The following TLN2 variants were observed in gnomAD, a reference collection of about 807,000 sequenced individuals.
TLN2 encodes talin 2.
A neutral mutation model predicts 294.7 loss-of-function variants in TLN2; 118 were observed. That is an observed-to-expected ratio of 0.40 (90% CI 0.34 to 0.47). TLN2 has a LOEUF of 0.47. TLN2 is among the 20% of genes least tolerant of loss of function. TLN2 has a pLI of 0.84. For synonymous variants in TLN2, 1,431 were observed against 1,304.5 expected (o/e 1.10, Z -2.09); for missense variants, 3,083 against 3,282.2 (o/e 0.94, Z 1.48).
chr15:62,477,904 G>T (rs1037165474), intron 1 of TLN2, among the ~76,000 whole-genome samples: 20 of 146,796 alleles, frequency 1.4e-4, no homozygotes, highest in Non-Finnish European at 2.0e-4. Flanking sequence ...GGGGATGGAG[G>T]GGGGGGTGCA....
At chr15:62,425,657 C>T (rs1472746493) in intron 1 of TLN2, among the ~76,000 whole-genome samples, 1 of 152,132 alleles carries the variant, frequency 6.6e-6, no homozygotes, top group African/African-American at 2.4e-5. Context: ...TAATTGTGTT[C>T]TGTTGTATGA....
At chr15:62,552,794 T>A (rs1305370230) in intron 1 of TLN2, among the ~76,000 whole-genome samples, 1 of 152,264 alleles carries the variant, frequency 6.6e-6, no homozygotes, top group South Asian at 2.1e-4. Flanking sequence ...TATTATGTAT[T>A]GATTGGCTAA....
chr15:62,739,235 G>A lies in TLN2; in HGVS notation c.3688-113G>A, dbSNP rs981973871. On this transcript the variant is annotated intron_variant, in intron 30 of 58. Coordinates refer to ENST00000636159, the MANE Select transcript of TLN2 (RefSeq NM_015059.3). ...TCAGATGACTCAGAGCCTTTTAATC[G>A]TGATGACTCAAATGCATCTCTGAAG... is the stretch of plus-strand genomic sequence containing the variant. 76 of 1,212,742 alleles carry A rather than the reference G, an allele frequency of 6.3e-5. No homozygotes were observed. The African/African-American group carries it at 7.9e-4, about 13-fold the overall frequency. 75.1% of individuals were successfully genotyped at this position (1,212,742 alleles called of 1,614,324 possible).
chr15:62,814,662 C>G (rs922211433), intron 52 of TLN2, among the ~76,000 whole-genome samples: 10 of 151,870 alleles, frequency 6.6e-5, no homozygotes, highest in African/African-American at 2.2e-4. Context: ...AAATATAGGC[C>G]GAAAACAAGC....
At chr15:62,515,061 A>G (rs2040118544) in intron 1 of TLN2, among the ~76,000 whole-genome samples, 1 of 152,214 alleles carries the variant, frequency 6.6e-6, no homozygotes. Context: ...TTCTCTGTCA[A>G]ATGAAGCTGC....
rs185704832 is a variant in TLN2, at chr15:62,819,170, T to C, written c.6772-346T>C. 1.1e-3 allele frequency among the ~76,000 whole-genome samples: 173 copies of C among 152,292 alleles called. 1 individual carries two copies. The highest frequency in any genetic ancestry group is 4.3e-3 in the South Asian group (21 of 4,828). Reference sequence around the variant, plus strand: ...CCACTGTACCCAGCCAGAATGTTCTTACAGTTTGGTTAAATTTCAGGTGCA... The same window carrying C: ...CCACTGTACCCAGCCAGAATGTTCTCACAGTTTGGTTAAATTTCAGGTGCA... On this transcript the variant is annotated intron_variant, in intron 52 of 58. Coordinates refer to ENST00000636159, the MANE Select transcript of TLN2 (RefSeq NM_015059.3).
rs117775779 is a variant in TLN2 at position 62,433,282 on chromosome 15, G to A, written c.-238+42597G>A. On this transcript the variant is annotated intron_variant, in intron 1 of 58. Transcript: ENST00000636159. ...CTGACACAGAAGCCTGAGGGTTTTT[G>A]CCTTGTAACTTCTTGTTGTATCTGA... is the stretch of plus-strand genomic sequence containing the variant. Among the ~76,000 whole-genome samples, 1,035 of 152,180 alleles carry A rather than the reference G, an allele frequency of 6.8e-3. 9 individuals are homozygous for A. Among genetic ancestry groups the A allele is most frequent in the Middle Eastern group, 0.031 (9 of 294 alleles).
At position 62,752,441 on chromosome 15, in the gene TLN2, C is replaced by T; in HGVS notation, c.4332+14C>T. 1.2e-6 allele frequency: 2 copies of T among 1,613,608 alleles called. No individual in the cohort carries two copies. Among genetic ancestry groups the T allele is most frequent in the Non-Finnish European group, 1.7e-6 (2 of 1,179,760 alleles). ...GCTGCAGCCCAGGTAAGGGGCTAGT[C>T]CCGATGCAGCCATGTGCCCTGTGCC... On this transcript the variant is annotated intron_variant, in intron 35 of 58. Transcript: ENST00000636159.
intron 1 of TLN2, among the ~76,000 whole-genome samples, chr15:62,564,925 A>AAAATATAT (rs759679956): frequency 1.1e-4 from 9 of 80,642 alleles, no homozygotes; most frequent in African/African-American, 4.3e-4. Context: ...AAAAAAAAAA[A>AAAATATAT]ATATATATAT....
At chr15:62,659,269 G>T (rs747436437) in intron 9 of TLN2, among the ~76,000 whole-genome samples, 1 of 152,168 alleles carries the variant, frequency 6.6e-6, no homozygotes. Flanking sequence ...TACTTAAAGA[G>T]GTTCTCCGCA....
chr15:62,673,775 C>G (rs2055789581), intron 9 of TLN2, 52 bp from the exon 10 acceptor site: 2 of 1,421,490 alleles, frequency 1.4e-6, no homozygotes, highest in Non-Finnish European at 2.0e-6. Flanking sequence ...TGCTTTGCTT[C>G]TCATCATGGA....
chr15:62,725,140 C>G, intron 27 of TLN2, 36 bp downstream of exon 27: 1 of 1,581,058 alleles, frequency 6.3e-7, no homozygotes, highest in South Asian at 1.1e-5. Flanking sequence ...GCGGGTGTAC[C>G]TTTTGTTATG....
chr15:62,481,823 A>G (rs1403682020), intron 1 of TLN2, among the ~76,000 whole-genome samples: 2 of 121,964 alleles, frequency 1.6e-5, no homozygotes, highest in Admixed American at 2.0e-4. Flanking sequence ...TTTAAGACGG[A>G]GTCTCTCTCT....
At chr15:62,656,431 G>A (rs917750732) in intron 8 of TLN2, among the ~76,000 whole-genome samples, 1 of 152,212 alleles carries the variant, frequency 6.6e-6, no homozygotes, top group African/African-American at 2.4e-5. Context: ...ATCTTAGAAT[G>A]CAAGAGAATG....
At chr15:62,714,348 G>GGGCA (rs1295132540) in intron 22 of TLN2, among the ~76,000 whole-genome samples, 145 of 151,870 alleles carry the variant, frequency 9.5e-4, no homozygotes, top group Non-Finnish European at 4.1e-4. Context: ...GACTACAGGT[G>GGGCA]CCTGCCACCA....
rs556374407 is a variant in TLN2, at chr15:62,480,301, C to T, written c.-238+89616C>T. Among the ~76,000 whole-genome samples, 20 of 152,300 alleles carry T rather than the reference C, an allele frequency of 1.3e-4. No homozygotes were observed. In the South Asian group the frequency reaches 3.9e-3, roughly 30 times the overall value. On this transcript the variant is annotated intron_variant, in intron 1 of 58. Transcript: ENST00000636159. The stretch of plus-strand genomic sequence containing the variant: ...CGATCTCAGCTCACTGCGACCTCTG[C>T]CTCCTGGGTTCAAGCGATTCTCCAG...
At chr15:62,477,487 G>A (rs946383576) in intron 1 of TLN2, among the ~76,000 whole-genome samples, 14 of 152,138 alleles carry the variant, frequency 9.2e-5, no homozygotes, top group African/African-American at 3.4e-4. Flanking sequence ...TTGAACAGTA[G>A]GGGAACCTGT....
At chr15:62,391,648 G>C (rs1160839900) in intron 1 of TLN2, among the ~76,000 whole-genome samples, 2 of 152,210 alleles carry the variant, frequency 1.3e-5, no homozygotes, top group Non-Finnish European at 2.9e-5. Flanking sequence ...TTTGCGCGCC[G>C]AGGCAGGCGC....
chr15:62,669,911 G>T (rs1436125098), intron 9 of TLN2, among the ~76,000 whole-genome samples: 1 of 152,162 alleles, frequency 6.6e-6, no homozygotes, highest in Non-Finnish European at 1.5e-5. Context: ...CCCACAAACC[G>T]ATTCTTGAGA....
Sources: gnomAD v4.1 joint callset for allele counts (sites outside exome capture counted in the v4.1 genomes callset) on GRCh38, gnomAD v4.1.1 for gene constraint, MANE v1.5 for transcripts, NCBI Gene and HGNC (gene_info 2026-07-23, HGNC 2026-07-21) for gene names.